Variants in YLPM1 observed in about 807,000 individuals in gnomAD.
YLPM1 encodes the protein YLP motif-containing protein 1.
In YLPM1, 99 loss-of-function variants were observed where a neutral mutation model predicts 230.0. The observed-to-expected ratio is 0.43, with a 90% CI of 0.37 to 0.51. YLPM1 has a LOEUF of 0.51. Among genes scored for constraint, YLPM1 ranks in the 20% least tolerant of loss-of-function variants. The probability of loss-of-function intolerance (pLI) is 0.00; values close to 1 mark genes in which losing one functional copy is unlikely to be tolerated. For synonymous variants in YLPM1, 984 were observed against 942.5 expected, an observed-to-expected ratio of 1.04 and a Z score of -0.81; for missense variants, 2,592 against 2,707.7, an observed-to-expected ratio of 0.96 and a Z score of 0.95.
intron 4 of YLPM1, among the ~76,000 whole-genome samples, chr14:74,796,022 A>G (rs973579237): frequency 5.3e-5 from 8 of 152,136 alleles, no homozygotes; most frequent in Admixed American, 5.2e-4. Context: ...AATCATTTTC[A>G]CTCTCAGCTC....
chr14:74,812,858 T>C lies in YLPM1; in HGVS notation c.5502+76T>C, dbSNP rs574795365. 4 of 1,473,814 alleles carry C rather than the reference T, an allele frequency of 2.7e-6. No individual in the cohort carries two copies. The African/African-American group carries it at 5.7e-5, about 21-fold the overall frequency. 91.3% of individuals were successfully genotyped at this position (1,473,814 alleles called of 1,614,324 possible). A position where few individuals can be genotyped will look rare whatever the true frequency, so the allele number is the denominator to read the frequency against. ...TCTTGTTAATATCCTGAAAAGAATT[T>C]CTTTATTTTTCTGCAACATAGTAAT... On this transcript the variant is annotated intron_variant, in intron 11 of 20. Transcript: ENST00000325680.
chr14:74,834,487 G>T (rs1482739864), intron 19 of YLPM1, among the ~76,000 whole-genome samples: 1 of 152,160 alleles, frequency 6.6e-6, no homozygotes, highest in Non-Finnish European at 1.5e-5. Context: ...AGATCTGTAA[G>T]TGGATAATTA....
At chr14:74,819,652 G>A (rs1222599481) in intron 16 of YLPM1, among the ~76,000 whole-genome samples, 1 of 151,944 alleles carries the variant, frequency 6.6e-6, no homozygotes, top group African/African-American at 2.4e-5. Flanking sequence ...CACTACCATT[G>A]TCTGGCAACT....
chr14:74,835,806 G>A lies in YLPM1; in HGVS notation c.*68G>A, dbSNP rs1297702501. On this transcript the variant is annotated 3_prime_UTR_variant, in exon 21 of 21. Coordinates refer to ENST00000325680, the MANE Select transcript of YLPM1 (RefSeq NM_019589.3). ...CGCTTTGAGGTGGTCTGAAGCCAAG[G>A]CCTCGCGGAGCTTCTTTGTGTGTCA... 2.2e-6 allele frequency: 1 copy of A among 456,918 alleles called. No individual in the cohort carries two copies. The highest frequency in any genetic ancestry group is 4.4e-6 in the Non-Finnish European group (1 of 227,400). 28.3% of individuals were successfully genotyped at this position (456,918 alleles called of 1,614,324 possible).
Position 74,817,079 on chromosome 14 carries a change from G to A in YLPM1, c.5834G>A (p.Trp1945Ter). Residue 1945 changes from tryptophan to a stop codon, truncating the protein, a stop_gained, in exon 14 of 21, where the codon TGG becomes TAG. Transcript: ENST00000325680. LOFTEE classifies it high-confidence loss of function. ...NDRVRHFDQFWSAAKTKGFEV... is the reference protein window; with the variant it reads ...NDRVRHFDQF ...AGAGTTAGGCATTTTGACCAGTTTTGGAGTGCAGCAAAAACCAAGGGATTT... is the reference window on the plus strand; with the variant it reads ...AGAGTTAGGCATTTTGACCAGTTTTAGAGTGCAGCAAAAACCAAGGGATTT... 1 of 1,606,798 alleles carries A rather than the reference G, an allele frequency of 6.2e-7. No homozygotes were observed. The highest frequency in any genetic ancestry group is 8.5e-7 in the Non-Finnish European group (1 of 1,177,324).
chr14:74,777,375 G>C lies in YLPM1; in HGVS notation c.874-1072G>C, dbSNP rs896203846. Among the ~76,000 whole-genome samples the C allele has an allele frequency of 1.3e-5, 2 of 151,774 alleles. 1 individual carries two copies. Among genetic ancestry groups the C allele is most frequent in the Non-Finnish European group, 2.9e-5 (2 of 67,958 alleles). ...GAGGTCAGGAGTTCGAGACCAGCCT[G>C]GCCAACATGGTGAAACCCCATCTCT... On this transcript the variant is annotated intron_variant, in intron 1 of 20. Coordinates refer to ENST00000325680, the MANE Select transcript of YLPM1 (RefSeq NM_019589.3).
At chr14:74,799,957 G>A (rs915875615) in intron 5 of YLPM1, among the ~76,000 whole-genome samples, 1 of 152,210 alleles carries the variant, frequency 6.6e-6, no homozygotes, top group African/African-American at 2.4e-5. Flanking sequence ...GGCATGCCAT[G>A]CCTGTGCATG....
At chr14:74,812,214 A>G (rs1251034975) in intron 10 of YLPM1, among the ~76,000 whole-genome samples, 2 of 152,306 alleles carry the variant, frequency 1.3e-5, no homozygotes, top group East Asian at 1.9e-4. Context: ...CACTGCTATG[A>G]TTTACACTTA....
chr14:74,795,982 C>T (rs1342324427), intron 4 of YLPM1, among the ~76,000 whole-genome samples: 2 of 152,234 alleles, frequency 1.3e-5, no homozygotes, highest in African/African-American at 4.8e-5. Context: ...TGTGCCCTTT[C>T]CTTTAAGGGG....
chr14:74,818,153 A>C, intron 15 of YLPM1, 78 bp from the exon 16 acceptor site: 1 of 750,960 alleles, frequency 1.3e-6, no homozygotes. Context: ...AATATTGTTA[A>C]ATGTTGTTTA....
rs1197042225 is a variant in YLPM1, at chr14:74,773,236, C to T, written c.874-5211C>T. Among the ~76,000 whole-genome samples the T allele has an allele frequency of 2.6e-5, 4 of 151,998 alleles. No homozygotes were observed. In the South Asian group the frequency reaches 8.3e-4, roughly 32 times the overall value. ...TCGGGAGGCGGAGCTTGCAGTGAGCCGAGATCGCGCCACTGCGCTCCAGCC... is the reference window on the plus strand; with the variant it reads ...TCGGGAGGCGGAGCTTGCAGTGAGCTGAGATCGCGCCACTGCGCTCCAGCC... On this transcript the variant is annotated intron_variant, in intron 1 of 20. Coordinates refer to ENST00000325680, the MANE Select transcript of YLPM1 (RefSeq NM_019589.3).
chr14:74,782,554 G>A (rs1426029142), intron 4 of YLPM1, among the ~76,000 whole-genome samples: 2 of 152,108 alleles, frequency 1.3e-5, no homozygotes, highest in Non-Finnish European at 2.9e-5. Flanking sequence ...AATCCAGAAT[G>A]AATGTAGTAT....
intron 17 of YLPM1, chr14:74,821,453 C>T (rs1303233766): frequency 1.1e-5 from 2 of 189,224 alleles, no homozygotes; most frequent in African/African-American, 4.7e-5. Context: ...TTCTTACATT[C>T]CAGCAGATAT....
At chr14:74,777,566 C>CA (rs1220967010) in intron 1 of YLPM1, among the ~76,000 whole-genome samples, 5,156 of 131,174 alleles carry the variant, frequency 0.039, 200 homozygotes, top group African/African-American at 0.1. Flanking sequence ...GACTCCATCT[C>CA]AAAAAAAAAA....
intron 11 of YLPM1, among the ~76,000 whole-genome samples, chr14:74,814,340 G>A (rs1346061712): frequency 1.3e-5 from 2 of 152,204 alleles, no homozygotes; most frequent in African/African-American, 2.4e-5. Flanking sequence ...CAGCCTGGGC[G>A]ACAGAGCGAG....
intron 20 of YLPM1, 63 bp from the exon 21 acceptor site, chr14:74,835,712 T>C: frequency 2.4e-6 from 1 of 413,162 alleles, no homozygotes; most frequent in Non-Finnish European, 4.5e-6. Context: ...GATGTTATAC[T>C]AAGGGCTACT....
chr14:74,833,968 A>G (rs377504611), intron 19 of YLPM1, among the ~76,000 whole-genome samples: 42 of 152,324 alleles, frequency 2.8e-4, no homozygotes, highest in African/African-American at 9.4e-4. Flanking sequence ...GATACTGTGT[A>G]GTGCAAGCAA....
intron 1 of YLPM1, among the ~76,000 whole-genome samples, chr14:74,769,636 G>A (rs1047438505): frequency 3.3e-5 from 5 of 151,302 alleles, no homozygotes; most frequent in Non-Finnish European, 7.4e-5. Context: ...TCTTGGCCAG[G>A]CTGGTCTTGA....
chr14:74,793,381 C>T (rs941464006), intron 4 of YLPM1, among the ~76,000 whole-genome samples: 1 of 152,080 alleles, frequency 6.6e-6, no homozygotes, highest in Non-Finnish European at 1.5e-5. Flanking sequence ...GATACTTTAA[C>T]TTCTAGTCCT....
Sources: gnomAD v4.1 joint callset for allele counts (sites outside exome capture counted in the v4.1 genomes callset) on GRCh38, gnomAD v4.1.1 for gene constraint, MANE v1.5 for transcripts, NCBI Gene and HGNC (gene_info 2026-07-23, HGNC 2026-07-21) for gene names.